Variants in NCKAP1 observed in about 807,000 individuals in gnomAD.
NCKAP1 encodes nck-associated protein 1.
A neutral mutation model predicts 151.2 loss-of-function variants in NCKAP1; 21 were observed. The ratio of observed to expected loss-of-function variants is 0.14; its 90% CI spans 0.10 to 0.20. The LOEUF (loss-of-function observed/expected upper bound fraction) is 0.20. Ranked by LOEUF, NCKAP1 falls within the 10% of genes least tolerant of loss-of-function variation. The pLI is 1.00. For synonymous variants in NCKAP1, 484 were observed against 451.8 expected (o/e 1.07, Z -0.90); for missense variants, 933 against 1,352.1 (o/e 0.69, Z 4.86).
chr2:182,959,331 G>A (rs1697392121), intron 18 of NCKAP1, among the ~76,000 whole-genome samples: 1 of 152,056 alleles, frequency 6.6e-6, no homozygotes, highest in Non-Finnish European at 1.5e-5. Flanking sequence ...CTACTAGAAA[G>A]GCTGGTACAT....
chr2:182,940,170 T>C (rs970215505), intron 24 of NCKAP1, among the ~76,000 whole-genome samples: 1 of 151,874 alleles, frequency 6.6e-6, no homozygotes, highest in African/African-American at 2.4e-5. Flanking sequence ...AGTAGGAAAG[T>C]AAATAGGGTT....
At chr2:182,995,577 T>C in intron 7 of NCKAP1, 124 bp downstream of exon 7, 1 of 912,864 alleles carries the variant, frequency 1.1e-6, no homozygotes, top group Non-Finnish European at 1.6e-6. Context: ...GTAGTGAACA[T>C]TTTATAATGA....
At chr2:183,036,340 C>A (rs1345670624) in intron 1 of NCKAP1, among the ~76,000 whole-genome samples, 1 of 152,172 alleles carries the variant, frequency 6.6e-6, no homozygotes, top group Non-Finnish European at 1.5e-5. Flanking sequence ...TAGAAACCAT[C>A]ATAACCATTT....
At position 182,925,053 on chromosome 2, in the gene NCKAP1, C is replaced by A. The variant is rs1696613372; in HGVS notation, c.*649G>T. The A allele has an allele frequency of 1.3e-5, 2 of 152,064 alleles. No individual in the cohort carries two copies. 9.4% of individuals were successfully genotyped at this position (152,064 alleles called of 1,614,324 possible). ...GGTACAATGGTAGTGCTAATGCCAA[C>A]AGGGCACCATGGAAGTTAGTCTAAA... is the stretch of plus-strand genomic sequence containing the variant. On this transcript the variant is annotated 3_prime_UTR_variant, in exon 31 of 31. Transcript: ENST00000361354.
chr2:182,930,934 T>C (rs537560286), intron 26 of NCKAP1, 146 bp from the exon 27 acceptor site: 390 of 646,670 alleles, frequency 6.0e-4, no homozygotes, highest in Non-Finnish European at 1.0e-3. Flanking sequence ...CTAAGTATAC[T>C]GAACAACTGA....
chr2:183,038,415 TGTGGCGGCGGCGGCG>T lies in NCKAP1; in HGVS notation c.-331_-317del. On this transcript the variant is annotated 5_prime_UTR_variant, in exon 1 of 31. Coordinates refer to ENST00000361354, the MANE Select transcript of NCKAP1 (RefSeq NM_013436.5). ...CGCCTTCCCCGGCTGCTCCACTAGG[TGTGGCGGCGGCGGCG>T]GCGGCGGCGGCGTCTCCGGCGGCTG... The T allele has an allele frequency of 4.7e-6, 1 of 212,524 alleles. No individual in the cohort carries two copies. Among genetic ancestry groups the T allele is most frequent in the Non-Finnish European group, 8.9e-6 (1 of 112,390 alleles). 13.2% of individuals were successfully genotyped at this position (212,524 alleles called of 1,614,324 possible).
chr2:182,951,859 T>G (rs917549759), intron 23 of NCKAP1, among the ~76,000 whole-genome samples: 4 of 152,116 alleles, frequency 2.6e-5, no homozygotes, highest in South Asian at 2.1e-4. Flanking sequence ...AGGATATTTC[T>G]AAAAGGCTAA....
chr2:182,951,685 A>T (rs182720427), intron 23 of NCKAP1, among the ~76,000 whole-genome samples: 2 of 151,768 alleles, frequency 1.3e-5, no homozygotes, highest in African/African-American at 4.8e-5. Context: ...TCAAGACTCA[A>T]GTAACCACCA....
At chr2:182,953,389 T>C (rs1697259012) in intron 20 of NCKAP1, 58 bp from the exon 21 acceptor site, 1 of 1,204,780 alleles carries the variant, frequency 8.3e-7, no homozygotes. Context: ...TCATGTAAAA[T>C]AAACCACTCA....
intron 1 of NCKAP1, among the ~76,000 whole-genome samples, chr2:183,037,562 T>A (rs939330131): frequency 6.6e-6 from 1 of 152,206 alleles, no homozygotes; most frequent in Non-Finnish European, 1.5e-5. Flanking sequence ...TGGGGTGTAA[T>A]CCCTGTTCAC....
intron 24 of NCKAP1, among the ~76,000 whole-genome samples, chr2:182,936,259 A>C (rs1278463871): frequency 6.6e-6 from 1 of 152,162 alleles, no homozygotes; most frequent in African/African-American, 2.4e-5. Flanking sequence ...TCTAAAAAAA[A>C]ATAAAACTCT....
At chr2:182,984,451 T>TGTGTGTGTGTGTGTGTGTGTGTGTG (rs1188952902) in intron 10 of NCKAP1, among the ~76,000 whole-genome samples, 33 of 144,212 alleles carry the variant, frequency 2.3e-4, no homozygotes, top group Non-Finnish European at 3.2e-4. Context: ...TGTGTGTGTG[T>TGTGTGTGTGTGTGTGTGTGTGTGTG]TGCCTATGCC....
At chr2:183,031,667 C>T (rs532649138) in intron 1 of NCKAP1, among the ~76,000 whole-genome samples, 3 of 152,294 alleles carry the variant, frequency 2.0e-5, no homozygotes, top group Admixed American at 1.3e-4. Flanking sequence ...TCAGCTCTTA[C>T]GCTTGCTACA....
intron 27 of NCKAP1, among the ~76,000 whole-genome samples, chr2:182,930,369 T>C (rs746063889): frequency 6.6e-6 from 1 of 152,010 alleles, no homozygotes; most frequent in Non-Finnish European, 1.5e-5. Context: ...TCTTCTCAAT[T>C]TCTCTAAATT....
At chr2:182,931,233 GT>G (rs906237963) in intron 26 of NCKAP1, among the ~76,000 whole-genome samples, 2 of 151,892 alleles carry the variant, frequency 1.3e-5, no homozygotes, top group Non-Finnish European at 2.9e-5. Flanking sequence ...ACTTATAATA[GT>G]TTTTTTAAGG....
intron 26 of NCKAP1, among the ~76,000 whole-genome samples, chr2:182,933,031 T>C (rs949776159): frequency 1.3e-5 from 2 of 152,102 alleles, no homozygotes; most frequent in African/African-American, 2.4e-5. Context: ...AGTAGAAAAA[T>C]AGAATTATAA....
intron 24 of NCKAP1, among the ~76,000 whole-genome samples, chr2:182,937,229 G>A (rs542539960): frequency 1.3e-5 from 2 of 149,950 alleles, no homozygotes; most frequent in South Asian, 2.1e-4. Context: ...AATTAATCAA[G>A]TTCTCAAAGA....
chr2:182,938,806 AAT>A, intron 24 of NCKAP1, among the ~76,000 whole-genome samples: 1 of 152,334 alleles, frequency 6.6e-6, no homozygotes, highest in Non-Finnish European at 1.5e-5. Context: ...GAATGGATAA[AAT>A]ATGTAAAGCC....
chr2:182,965,983 T>C (rs542085807), intron 16 of NCKAP1, among the ~76,000 whole-genome samples: 1 of 152,300 alleles, frequency 6.6e-6, no homozygotes, highest in South Asian at 2.1e-4. Flanking sequence ...TACCTGGTGA[T>C]TTGAATTTCT....
Sources: gnomAD v4.1 joint callset for allele counts (sites outside exome capture counted in the v4.1 genomes callset) on GRCh38, gnomAD v4.1.1 for gene constraint, MANE v1.5 for transcripts, NCBI Gene and HGNC (gene_info 2026-07-23, HGNC 2026-07-21) for gene names.